OVAAL: variants seen among roughly 807,000 people sequenced by gnomAD.
OVAAL encodes long intergenic non-protein coding RNA 1131.
At chr1:180,562,546 A>T (rs1466415856) in intron 2 of OVAAL, among the ~76,000 whole-genome samples, 8 of 152,236 alleles carry the variant, frequency 5.3e-5, no homozygotes, top group African/African-American at 1.7e-4. Context: ...TAACTCAGGG[A>T]TCTATAAAGC....
chr1:180,561,164 C>T (rs1653193976), intron 1 of OVAAL, among the ~76,000 whole-genome samples: 1 of 152,184 alleles, frequency 6.6e-6, no homozygotes, highest in Non-Finnish European at 1.5e-5. Context: ...GAGCATGCTC[C>T]TCTTTTCCAT....
At chr1:180,563,384 G>T (rs906956639) in intron 2 of OVAAL, among the ~76,000 whole-genome samples, 1 of 152,136 alleles carries the variant, frequency 6.6e-6, no homozygotes, top group Non-Finnish European at 1.5e-5. Context: ...GTTAACAGTG[G>T]AGAATTCGTA....
intron 2 of OVAAL, chr1:180,565,170 T>G (rs575421260): frequency 6.5e-6 from 1 of 153,472 alleles, no homozygotes; most frequent in East Asian, 1.9e-4. Flanking sequence ...TTCTCCTCTC[T>G]CCTGCTTAAG....
At chr1:180,566,493 G>A (rs936210086) in exon 3 of OVAAL, 1 of 152,108 alleles carries the variant, frequency 6.6e-6, no homozygotes, top group African/African-American at 2.4e-5. Flanking sequence ...GAAAACCTGT[G>A]CCCTTTAATA....
At chr1:180,560,108 G>T (rs1224617138) in intron 1 of OVAAL, among the ~76,000 whole-genome samples, 1 of 152,136 alleles carries the variant, frequency 6.6e-6, no homozygotes, top group East Asian at 1.9e-4. Context: ...GTGAGGCTTA[G>T]AGAGGGTAAG....
chr1:180,563,084 G>A (rs1002514756), intron 2 of OVAAL, among the ~76,000 whole-genome samples: 1 of 152,288 alleles, frequency 6.6e-6, no homozygotes, highest in East Asian at 1.9e-4. Context: ...AGAGAGTAAA[G>A]GTTTAGAGCT....
At chr1:180,565,712 C>G (rs1007127593) in exon 3 of OVAAL, 3 of 152,170 alleles carry the variant, frequency 2.0e-5, no homozygotes, top group Admixed American at 6.5e-5. Context: ...CACTGAGTAC[C>G]TACCATGTGC....
chr1:180,561,565 G>T (rs1324750639), intron 1 of OVAAL, among the ~76,000 whole-genome samples: 2 of 152,180 alleles, frequency 1.3e-5, no homozygotes, highest in Admixed American at 6.5e-5. Flanking sequence ...CCTGGCTGAG[G>T]CTTGTCTGGG....
Position 180,564,075 on chromosome 1 carries a change from T to C in OVAAL, n.514-1176T>C, listed in dbSNP as rs550537469. Among the ~76,000 whole-genome samples, 24 of 152,130 alleles carry C rather than the reference T, an allele frequency of 1.6e-4. No homozygotes were observed. In the South Asian group the frequency reaches 3.3e-3, roughly 21 times the overall value. On this transcript the variant is annotated intron_variant and non_coding_transcript_variant, in intron 2 of 2. Transcript: ENST00000673955. ...TCAAACTACTAGACACTTTTGAGAG[T>C]GAAGGGGGGCACTATTAGTTATGTT...
At chr1:180,562,576 C>T (rs1653223746) in intron 2 of OVAAL, among the ~76,000 whole-genome samples, 1 of 152,050 alleles carries the variant, frequency 6.6e-6, no homozygotes, top group African/African-American at 2.4e-5. Flanking sequence ...AGCAGAGGCA[C>T]AGGTGGAAAA....
chr1:180,563,920 AC>A (rs1163767856), intron 2 of OVAAL, among the ~76,000 whole-genome samples: 1 of 151,840 alleles, frequency 6.6e-6, no homozygotes, highest in African/African-American at 2.4e-5. Context: ...TTTTAGAGAG[AC>A]AGTTAACAAT....
At chr1:180,562,348 A>G (rs1386309190) in intron 2 of OVAAL, 1 of 152,242 alleles carries the variant, frequency 6.6e-6, no homozygotes, top group African/African-American at 2.4e-5. Context: ...CAGAATGGTG[A>G]GGTCTGGGAC....
intron 2 of OVAAL, among the ~76,000 whole-genome samples, chr1:180,562,938 G>C (rs910020815): frequency 6.6e-6 from 1 of 152,204 alleles, no homozygotes; most frequent in Admixed American, 6.5e-5. Context: ...CTGAGAACAT[G>C]TTTTTTTCCT....
chr1:180,559,936 A>G (rs991890097), intron 1 of OVAAL, among the ~76,000 whole-genome samples: 3 of 151,794 alleles, frequency 2.0e-5, no homozygotes, highest in South Asian at 4.2e-4. Flanking sequence ...GACTGAAACT[A>G]TAGCCACCTC....
intron 2 of OVAAL, among the ~76,000 whole-genome samples, chr1:180,563,651 A>C (rs1338744539): frequency 6.6e-6 from 1 of 152,150 alleles, no homozygotes; most frequent in African/African-American, 2.4e-5. Context: ...ACCTGCTAGC[A>C]CTTGGGAGGT....
exon 2 of OVAAL, chr1:180,562,325 T>C (rs906746458): frequency 1.3e-5 from 2 of 152,270 alleles, no homozygotes; most frequent in Non-Finnish European, 2.9e-5. Flanking sequence ...ACTGTGACTA[T>C]ATGTGGTACT....
exon 3 of OVAAL, chr1:180,566,255 G>A (rs1423187915): frequency 6.6e-6 from 1 of 152,222 alleles, no homozygotes; most frequent in Non-Finnish European, 1.5e-5. Context: ...TCAGTGCCCA[G>A]AGGCGGCTGC....
Position 180,560,460 on chromosome 1 carries a change from A to C in OVAAL, n.373-1744A>C, listed in dbSNP as rs147353706. On this transcript the variant is annotated intron_variant and non_coding_transcript_variant, in intron 1 of 2. Transcript: ENST00000673955. Reference sequence around the variant, plus strand: ...TCTAGAGTGCACAGGGCATTACCCTACTGTTTAGCTGTTCCTCCTAGGGTG... The same window carrying C: ...TCTAGAGTGCACAGGGCATTACCCTCCTGTTTAGCTGTTCCTCCTAGGGTG... Among the ~76,000 whole-genome samples, 1,260 of 152,284 alleles carry C rather than the reference A, an allele frequency of 8.3e-3. 12 individuals carry two copies. The highest frequency in any genetic ancestry group is 0.014 in the Non-Finnish European group (978 of 68,004).
chr1:180,565,746 T>C (rs1374216267), exon 3 of OVAAL: 1 of 152,088 alleles, frequency 6.6e-6, no homozygotes, highest in Non-Finnish European at 1.5e-5. Context: ...ATATGCCGAG[T>C]ATACACTGGC....
Sources: gnomAD v4.1 joint callset for allele counts (sites outside exome capture counted in the v4.1 genomes callset) on GRCh38, gnomAD v4.1.1 for gene constraint, MANE v1.5 for transcripts, NCBI Gene and HGNC (gene_info 2026-07-23, HGNC 2026-07-21) for gene names.